The following NSUN6 variants were observed in gnomAD, a reference collection of about 807,000 sequenced individuals.
NSUN6 encodes the protein tRNA (cytosine(72)-C(5))-methyltransferase NSUN6.
A neutral mutation model predicts 58.0 loss-of-function variants in NSUN6; 64 were observed. The ratio of observed to expected loss-of-function variants is 1.10; its 90% confidence interval spans 0.90 to 1.36. The LOEUF is 1.36. Ranked by LOEUF, NSUN6 falls within the 40% of genes most tolerant of loss-of-function variation. NSUN6 has a pLI of 0.00. For missense variants in NSUN6, 701 were observed against 550.1 expected (o/e 1.27, Z -2.74); for synonymous variants, 231 against 193.9 (o/e 1.19, Z -1.59).
chr10:18,563,689 T>C (rs1274189939), intron 8 of NSUN6, among the ~76,000 whole-genome samples: 1 of 151,030 alleles, frequency 6.6e-6, no homozygotes, highest in African/African-American at 2.4e-5. Flanking sequence ...TACCATTCCA[T>C]TCTCTATTTC....
At chr10:18,615,128 T>TATATATATATATATACAC (rs562207637) in intron 4 of NSUN6, among the ~76,000 whole-genome samples, 3 of 148,004 alleles carry the variant, frequency 2.0e-5, no homozygotes, top group Admixed American at 6.8e-5. Context: ...TATATATATA[T>TATATATATATATATACAC]ACACACACAT....
chr10:18,639,797 G>A (rs1354523382), intron 3 of NSUN6, among the ~76,000 whole-genome samples: 3 of 152,106 alleles, frequency 2.0e-5, no homozygotes, highest in South Asian at 4.1e-4. Context: ...AGCCAGTATT[G>A]GCAAGAATGA....
At chr10:18,626,611 T>C (rs1287649974) in intron 3 of NSUN6, among the ~76,000 whole-genome samples, 1 of 151,988 alleles carries the variant, frequency 6.6e-6, no homozygotes, top group Non-Finnish European at 1.5e-5. Context: ...CTACTAAAAA[T>C]ACAAAAATTA....
chr10:18,651,797 C>G (rs2059714683), upstream of NSUN6: 1 of 985,304 alleles, frequency 1.0e-6, no homozygotes, highest in Non-Finnish European at 1.2e-6. Context: ...AGGCAGACCC[C>G]GCGGGCGGGA....
upstream of NSUN6, chr10:18,653,269 AGATG>A (rs2059740009): frequency 1.0e-6 from 1 of 983,638 alleles, no homozygotes; most frequent in Non-Finnish European, 1.2e-6. Flanking sequence ...CTAAATGAAA[AGATG>A]GATGAACATC....
Position 18,600,959 on chromosome 10 carries a change from T to TATATATATATATATATATATATAC in NSUN6, c.658-4633_658-4632insGTATATATATATATATATATATAT. 5.3e-3 allele frequency among the ~76,000 whole-genome samples: 344 copies of TATATATATATATATATATATATAC among 64,630 alleles called. 5 individuals are homozygous for TATATATATATATATATATATATAC. The highest frequency in any genetic ancestry group is 0.033 in the Middle Eastern group (3 of 92). The allele number at this position is 64,630 out of a possible 152,430, so 42.4% of individuals were successfully genotyped here. On this transcript the variant is annotated intron_variant, in intron 6 of 10. Transcript: ENST00000377304. Reference sequence around the variant, plus strand: ...AAAAAAAAATATATATATATATATATACATATATATATATATATGTATATA... The same window carrying TATATATATATATATATATATATAC: ...AAAAAAAAATATATATATATATATATATATATATATATATATATATATACACATATATATATATATATGTATATA...
rs72787962 is a variant in NSUN6 at position 18,589,463 on chromosome 10, A to C, written c.778-3370T>G. The stretch of plus-strand genomic sequence containing the variant: ...AAGAAGAGCAACCCCAAGACACATA[A>C]TCAGATTTTCAAAGGTTGAAGCAAA... On this transcript the variant is annotated intron_variant, in intron 7 of 10. Coordinates refer to ENST00000377304, the MANE Select transcript of NSUN6 (RefSeq NM_182543.5). Among the ~76,000 whole-genome samples the C allele has an allele frequency of 7.3e-3, 1,113 of 152,216 alleles. 7 individuals carry two copies. The highest frequency in any genetic ancestry group is 9.6e-3 in the Non-Finnish European group (651 of 67,994).
At chr10:18,625,720 TA>T (rs71402188) in intron 3 of NSUN6, among the ~76,000 whole-genome samples, 9,299 of 53,344 alleles carry the variant, frequency 0.17, 527 homozygotes, top group East Asian at 0.34. Context: ...GTTTTTTTTT[TA>T]AAAAAAAAAA....
intron 2 of NSUN6, among the ~76,000 whole-genome samples, chr10:18,644,540 G>C (rs574500507): frequency 6.7e-6 from 1 of 150,228 alleles, no homozygotes; most frequent in Non-Finnish European, 1.5e-5. Context: ...ATATGAGTAA[G>C]TACAAGAAAA....
chr10:18,632,338 G>C lies in NSUN6; in HGVS notation c.311+10138C>G, dbSNP rs554874418. Among the ~76,000 whole-genome samples the C allele has an allele frequency of 7.2e-5, 9 of 124,980 alleles. No homozygotes were observed. In the South Asian group the frequency reaches 1.5e-3, roughly 21 times the overall value. 82.0% of individuals were successfully genotyped at this position (124,980 alleles called of 152,430 possible). ...CCTAGGCATTACCATTCAGGACTTA[G>C]GCATGGGCAAGGACTTCATGTCTAA... On this transcript the variant is annotated intron_variant, in intron 3 of 10. Transcript: ENST00000377304.
chr10:18,651,016 T>C (rs1467675180), intron 1 of NSUN6, 113 bp downstream of exon 1: 1 of 1,224,188 alleles, frequency 8.2e-7, no homozygotes, highest in African/African-American at 1.6e-5. Flanking sequence ...GATAGACAAG[T>C]AGTAAGGAAC....
chr10:18,639,599 G>C (rs1285293879), intron 3 of NSUN6, among the ~76,000 whole-genome samples: 1 of 152,042 alleles, frequency 6.6e-6, no homozygotes, highest in Non-Finnish European at 1.5e-5. Context: ...ATGAAAGGTG[G>C]GTATGTGAAT....
chr10:18,578,585 A>C (rs375352344), intron 8 of NSUN6, among the ~76,000 whole-genome samples: 1 of 152,124 alleles, frequency 6.6e-6, no homozygotes, highest in East Asian at 1.9e-4. Flanking sequence ...CAGCCCCCCA[A>C]CATCAATTCA....
At chr10:18,583,998 G>A (rs533210589) in intron 8 of NSUN6, among the ~76,000 whole-genome samples, 35 of 152,206 alleles carry the variant, frequency 2.3e-4, no homozygotes, top group Non-Finnish European at 5.0e-4. Flanking sequence ...TGCAGGGCAA[G>A]TTCTTCTAAC....
chr10:18,552,425 T>C (rs1307986887), intron 8 of NSUN6, among the ~76,000 whole-genome samples: 1 of 152,186 alleles, frequency 6.6e-6, no homozygotes, highest in East Asian at 1.9e-4. Context: ...TGAGAATGGC[T>C]ATGGTCTAGA....
chr10:18,557,356 G>A (rs1352467165), intron 8 of NSUN6, among the ~76,000 whole-genome samples: 2 of 150,134 alleles, frequency 1.3e-5, no homozygotes, highest in African/African-American at 2.4e-5. Context: ...AATGGAGGAT[G>A]GTATGGAGAA....
At chr10:18,618,166 C>T (rs1191620364) in intron 3 of NSUN6, among the ~76,000 whole-genome samples, 1 of 152,182 alleles carries the variant, frequency 6.6e-6, no homozygotes, top group Admixed American at 6.5e-5. Context: ...TTTGTGATTA[C>T]TGAAATAGCT....
At chr10:18,588,332 G>C (rs1450914399) in intron 7 of NSUN6, among the ~76,000 whole-genome samples, 2 of 152,204 alleles carry the variant, frequency 1.3e-5, no homozygotes, top group South Asian at 4.1e-4. Flanking sequence ...GTGGCTGTGG[G>C]CACAGCTTGG....
chr10:18,638,544 A>T (rs1182635502), intron 3 of NSUN6, among the ~76,000 whole-genome samples: 1 of 152,172 alleles, frequency 6.6e-6, no homozygotes, highest in African/African-American at 2.4e-5. Flanking sequence ...AAAATCCCAC[A>T]GGTCTCTAAG....
Sources: gnomAD v4.1 joint callset for allele counts (sites outside exome capture counted in the v4.1 genomes callset) on GRCh38, gnomAD v4.1.1 for gene constraint, MANE v1.5 for transcripts, NCBI Gene and HGNC (gene_info 2026-07-23, HGNC 2026-07-21) for gene names.